COL24A1: variants seen among roughly 807,000 people sequenced by gnomAD.
COL24A1 encodes the protein collagen type XXIV alpha 1 chain.
In COL24A1, 224 loss-of-function variants were observed where a neutral mutation model predicts 253.9. That is an observed-to-expected ratio of 0.88 (90% CI 0.79 to 0.99). COL24A1 has a LOEUF of 0.99. COL24A1 is among the 50% of genes least tolerant of loss of function. The pLI, the probability that COL24A1 is intolerant of heterozygous loss-of-function variation, is 0.00. For missense variants in COL24A1, 2,131 were observed against 2,068.5 expected (o/e 1.03, Z -0.59); for synonymous variants, 685 against 673.7 (o/e 1.02, Z -0.26).
intron 7 of COL24A1, among the ~76,000 whole-genome samples, chr1:86,080,273 G>T (rs1393374965): frequency 4.6e-5 from 7 of 152,148 alleles, no homozygotes; most frequent in Non-Finnish European, 1.0e-4. Context: ...ATTTGAGGCT[G>T]GGAGGGGAAT....
At chr1:85,985,447 A>G (rs1207059454) in intron 20 of COL24A1, among the ~76,000 whole-genome samples, 1 of 151,832 alleles carries the variant, frequency 6.6e-6, no homozygotes, top group East Asian at 1.9e-4. Context: ...AAAAAGTTAA[A>G]AAGTACAAGC....
At chr1:85,948,684 T>C (rs2100555551) in intron 24 of COL24A1, among the ~76,000 whole-genome samples, 1 of 151,796 alleles carries the variant, frequency 6.6e-6, no homozygotes, top group Non-Finnish European at 1.5e-5. Context: ...GTCAAAAAAC[T>C]ATATTTTTGA....
chr1:86,023,635 ATC>A (rs541763809), intron 14 of COL24A1, among the ~76,000 whole-genome samples: 2 of 152,250 alleles, frequency 1.3e-5, no homozygotes, highest in African/African-American at 4.8e-5. Context: ...AAAAGACATA[ATC>A]TCTAACATCA....
intron 57 of COL24A1, among the ~76,000 whole-genome samples, chr1:85,739,631 T>G (rs975576742): frequency 2.0e-5 from 3 of 152,176 alleles, no homozygotes; most frequent in Non-Finnish European, 4.4e-5. Flanking sequence ...GTGTAATCAT[T>G]TACTATTTTT....
At chr1:85,771,778 T>TTTA (rs1558060760) in intron 53 of COL24A1, among the ~76,000 whole-genome samples, 12,646 of 146,668 alleles carry the variant, frequency 0.086, 828 homozygotes, top group East Asian at 0.34. Context: ...TGCCTGACTT[T>TTTA]TTTATTTATT....
chr1:86,098,317 A>G (rs1704164350), intron 5 of COL24A1, among the ~76,000 whole-genome samples: 1 of 152,098 alleles, frequency 6.6e-6, no homozygotes. Context: ...GAGAAGCAAG[A>G]GAAAGAAAGG....
intron 2 of COL24A1, among the ~76,000 whole-genome samples, chr1:86,134,694 C>T (rs1378875594): frequency 1.6e-5 from 2 of 124,654 alleles, no homozygotes; most frequent in African/African-American, 3.0e-5. Context: ...TCTAGTTTGA[C>T]TGCACTGTGG....
At chr1:85,839,259 G>A (rs1676353619) in intron 42 of COL24A1, among the ~76,000 whole-genome samples, 1 of 152,028 alleles carries the variant, frequency 6.6e-6, no homozygotes, top group Non-Finnish European at 1.5e-5. Context: ...AGTACAGTAT[G>A]TTATAAATGA....
chr1:85,961,385 C>T (rs906151916), intron 23 of COL24A1, 92 bp from the exon 24 acceptor site: 1 of 1,004,470 alleles, frequency 1.0e-6, no homozygotes. Flanking sequence ...ATGTAATTAT[C>T]TAGTCATAAC....
intron 47 of COL24A1, among the ~76,000 whole-genome samples, chr1:85,789,608 G>C (rs567967815): frequency 2.0e-5 from 3 of 152,202 alleles, no homozygotes; most frequent in African/African-American, 4.8e-5. Flanking sequence ...GTGAGGAGAG[G>C]GGGTATCCTT....
intron 19 of COL24A1, among the ~76,000 whole-genome samples, chr1:86,000,892 C>T (rs1695327574): frequency 6.6e-6 from 1 of 152,320 alleles, no homozygotes; most frequent in South Asian, 2.1e-4. Flanking sequence ...AACCATCCTG[C>T]TACCATATAA....
intron 24 of COL24A1, among the ~76,000 whole-genome samples, chr1:85,937,559 G>C (rs1374045630): frequency 6.8e-6 from 1 of 147,706 alleles, no homozygotes; most frequent in Non-Finnish European, 1.5e-5. Flanking sequence ...ACATCAGCAA[G>C]CCTTGATCAT....
At chr1:85,808,343 G>A (rs896404530) in intron 47 of COL24A1, among the ~76,000 whole-genome samples, 2 of 152,174 alleles carry the variant, frequency 1.3e-5, no homozygotes, top group Admixed American at 1.3e-4. Context: ...CAAACTTAAC[G>A]GGTTGGGGGA....
intron 14 of COL24A1, 90 bp downstream of exon 14, chr1:86,031,788 C>T (rs1698592620): frequency 4.0e-6 from 4 of 1,006,848 alleles, no homozygotes; most frequent in Non-Finnish European, 2.9e-6. Context: ...TAAAACCTCT[C>T]ATTTCCCTAA....
chr1:85,969,382 A>T (rs1029796291), intron 22 of COL24A1, among the ~76,000 whole-genome samples: 2 of 152,028 alleles, frequency 1.3e-5, no homozygotes, highest in African/African-American at 4.8e-5. Context: ...AGGTGGGTGG[A>T]TCACCTGAGG....
Position 85,734,866 on chromosome 1 carries a change from C to T in COL24A1, c.4881G>A (p.Arg1627=). 1 of 1,614,158 alleles carries T rather than the reference C, an allele frequency of 6.2e-7. No individual in the cohort carries two copies. Among genetic ancestry groups the T allele is most frequent in the South Asian group, 1.1e-5 (1 of 91,082 alleles). ...IITIHCLNTP[R]WTSTQTSGPG... is the part of the protein sequence containing the mutation. Reference sequence around the variant, plus strand: ...GGCCACTTGTTTGTGTGCTTGTCCACCTTGGGGTGTTTAGACAGTGAATGG... The same window carrying T: ...GGCCACTTGTTTGTGTGCTTGTCCATCTTGGGGTGTTTAGACAGTGAATGG... Residue 1627 remains arginine, a synonymous_variant, in exon 59 of 60, where the codon AGG becomes AGA. Transcript: ENST00000370571.
intron 37 of COL24A1, among the ~76,000 whole-genome samples, chr1:85,864,783 A>C (rs1055525073): frequency 1.1e-4 from 16 of 152,194 alleles, no homozygotes; most frequent in African/African-American, 3.6e-4. Context: ...CAATAAATCC[A>C]ACCAAATTTT....
At chr1:85,803,453 C>CAAAACA (rs1671646949) in intron 47 of COL24A1, among the ~76,000 whole-genome samples, 1 of 147,098 alleles carries the variant, frequency 6.8e-6, no homozygotes, top group Admixed American at 6.8e-5. Context: ...AAACCATAAA[C>CAAAACA]AAACAAAACA....
intron 12 of COL24A1, among the ~76,000 whole-genome samples, chr1:86,035,332 T>C (rs1158087588): frequency 6.6e-6 from 1 of 152,192 alleles, no homozygotes; most frequent in East Asian, 1.9e-4. Flanking sequence ...ACATGGATAC[T>C]TGAAAGTACT....
Sources: allele counts gnomAD v4.1 joint callset (sites outside exome capture counted in the v4.1 genomes callset), GRCh38; gene constraint gnomAD v4.1.1; transcripts MANE v1.5; gene names NCBI Gene and HGNC (gene_info 2026-07-23, HGNC 2026-07-21).